Variants in FUT8 observed in about 807,000 individuals in gnomAD.
FUT8 encodes alpha-(1,6)-fucosyltransferase.
A neutral mutation model predicts 71.3 loss-of-function variants in FUT8; 29 were observed. That is an observed-to-expected ratio of 0.41 (90% CI 0.30 to 0.55). The LOEUF is 0.55. Ranked by LOEUF, FUT8 falls within the 20% of genes least tolerant of loss-of-function variation. The pLI is 0.34. For synonymous variants in FUT8, 254 were observed against 239.3 expected (o/e 1.06, Z -0.57); for missense variants, 544 against 702.1 (o/e 0.77, Z 2.55).
chr14:65,382,972 G>A, the FUT8 span, among the ~76,000 whole-genome samples: 7 of 152,046 alleles, frequency 4.6e-5, no homozygotes, highest in South Asian at 1.5e-3. Flanking sequence ...ATGCTGCCAA[G>A]CTGGAGACCT....
At chr14:65,493,469 A>C (rs1342768659) in intron 2 of FUT8, among the ~76,000 whole-genome samples, 4 of 152,162 alleles carry the variant, frequency 2.6e-5, no homozygotes, top group Admixed American at 6.6e-5. Context: ...GGATAGGTTC[A>C]GGAAGCTTGA....
intron 1 of FUT8, among the ~76,000 whole-genome samples, chr14:65,414,577 A>G (rs1171120644): frequency 6.6e-6 from 1 of 152,214 alleles, no homozygotes; most frequent in African/African-American, 2.4e-5. Flanking sequence ...CTTGATTTGT[A>G]AATACTACAG....
chr14:65,692,551 G>A (rs1164843064), intron 7 of FUT8, among the ~76,000 whole-genome samples: 4 of 145,012 alleles, frequency 2.8e-5, no homozygotes, highest in Non-Finnish European at 6.1e-5. Flanking sequence ...CTGGCCGGGA[G>A]GGGGGCTGAC....
At chr14:65,707,108 C>A (rs1464480578) in intron 7 of FUT8, among the ~76,000 whole-genome samples, 1 of 152,174 alleles carries the variant, frequency 6.6e-6, no homozygotes, top group Non-Finnish European at 1.5e-5. Flanking sequence ...AATGGCTGAA[C>A]TAATTTACAT....
chr14:65,668,051 T>C (rs1156383875), intron 6 of FUT8, among the ~76,000 whole-genome samples: 1 of 152,068 alleles, frequency 6.6e-6, no homozygotes, highest in Non-Finnish European at 1.5e-5. Context: ...CCCCTTCCTT[T>C]CACTATATAC....
chr14:65,468,543 G>A (rs1016295143), intron 2 of FUT8, among the ~76,000 whole-genome samples: 2 of 151,578 alleles, frequency 1.3e-5, no homozygotes, highest in African/African-American at 2.4e-5. Context: ...TGCTTCTTTC[G>A]AGATATCTTA....
At chr14:65,530,010 T>C (rs1006280176) in intron 2 of FUT8, among the ~76,000 whole-genome samples, 17 of 152,190 alleles carry the variant, frequency 1.1e-4, no homozygotes, top group Admixed American at 1.0e-3. Context: ...TGGAAATTGG[T>C]TTTGCTCTGT....
At chr14:65,675,112 A>G (rs1398974709) in intron 7 of FUT8, among the ~76,000 whole-genome samples, 1 of 152,200 alleles carries the variant, frequency 6.6e-6, no homozygotes, top group African/African-American at 2.4e-5. Context: ...ATCTTCTTTC[A>G]TTTCCCACTT....
chr14:65,372,508 C>T, the FUT8 span, among the ~76,000 whole-genome samples: 6 of 151,872 alleles, frequency 4.0e-5, no homozygotes, highest in Non-Finnish European at 7.4e-5. Flanking sequence ...CTCTGCCTCC[C>T]GGGTTCAAGT....
chr14:65,535,038 G>C (rs938556067), intron 2 of FUT8, among the ~76,000 whole-genome samples: 2 of 150,144 alleles, frequency 1.3e-5, no homozygotes, highest in African/African-American at 2.4e-5. Context: ...TAATATATAT[G>C]TATATATGTT....
intron 1 of FUT8, among the ~76,000 whole-genome samples, chr14:65,423,498 G>A (rs1265559532): frequency 1.3e-5 from 2 of 152,046 alleles, no homozygotes; most frequent in Non-Finnish European, 2.9e-5. Context: ...TCCTGACCTC[G>A]TGATCCGCCT....
chr14:65,720,000 A>G (rs1234635342), intron 7 of FUT8, among the ~76,000 whole-genome samples: 1 of 152,210 alleles, frequency 6.6e-6, no homozygotes, highest in African/African-American at 2.4e-5. Flanking sequence ...GGGCTCTATA[A>G]TGAGCAGGTG....
At chr14:65,445,100 G>T (rs188168906) in intron 1 of FUT8, among the ~76,000 whole-genome samples, 1 of 152,114 alleles carries the variant, frequency 6.6e-6, no homozygotes, top group Admixed American at 6.5e-5. Flanking sequence ...CCAGCTACTC[G>T]GGAGGCTGAG....
At chr14:65,657,292 A>G (rs1024644352) in intron 6 of FUT8, among the ~76,000 whole-genome samples, 5 of 152,154 alleles carry the variant, frequency 3.3e-5, no homozygotes, top group African/African-American at 1.2e-4. Context: ...TAAAAATTGA[A>G]CTACCATATG....
At chr14:65,734,247 T>C (rs1264313273) in intron 10 of FUT8, among the ~76,000 whole-genome samples, 1 of 152,156 alleles carries the variant, frequency 6.6e-6, no homozygotes, top group Non-Finnish European at 1.5e-5. Flanking sequence ...GATAAATGTA[T>C]GCTTAAATGC....
intron 3 of FUT8, among the ~76,000 whole-genome samples, chr14:65,611,104 C>T (rs997915086): frequency 6.6e-6 from 1 of 150,928 alleles, no homozygotes; most frequent in South Asian, 2.1e-4. Flanking sequence ...TGGGTCACAT[C>T]CTACCAACCA....
At chr14:65,506,862 G>C (rs986556077) in intron 2 of FUT8, among the ~76,000 whole-genome samples, 3 of 152,190 alleles carry the variant, frequency 2.0e-5, no homozygotes, top group African/African-American at 7.2e-5. Flanking sequence ...AGGGGCACCA[G>C]CTGCCGGGGT....
rs1896613121 is a variant in FUT8 at position 65,743,797 on chromosome 14, A to G, written c.*1387A>G. On this transcript the variant is annotated 3_prime_UTR_variant, in exon 11 of 11. Coordinates refer to ENST00000673929, the MANE Select transcript of FUT8 (RefSeq NM_001371533.1). Reference sequence around the variant, plus strand: ...GTCTCTGAGCATCATTTTTCTCCTCATAAAAACACTTCCTTATTGTATGTA... The same window carrying G: ...GTCTCTGAGCATCATTTTTCTCCTCGTAAAAACACTTCCTTATTGTATGTA... 6.6e-6 allele frequency: 1 copy of G among 151,878 alleles called. No individual in the cohort carries two copies. 9.4% of individuals were successfully genotyped at this position (151,878 alleles called of 1,614,324 possible). A position where few individuals can be genotyped will look rare whatever the true frequency, so the allele number is the denominator to read the frequency against.
intron 7 of FUT8, among the ~76,000 whole-genome samples, chr14:65,702,957 G>C (rs1894383289): frequency 6.6e-6 from 1 of 152,144 alleles, no homozygotes; most frequent in African/African-American, 2.4e-5. Context: ...CTGTTGGCCA[G>C]GATGGTCTTG....
Sources: gnomAD v4.1 joint callset for allele counts (sites outside exome capture counted in the v4.1 genomes callset) on GRCh38, gnomAD v4.1.1 for gene constraint, MANE v1.5 for transcripts, NCBI Gene and HGNC (gene_info 2026-07-23, HGNC 2026-07-21) for gene names.